The following WDFY4 variants were observed in gnomAD, a reference collection of about 807,000 sequenced individuals.
WDFY4 encodes WDFY family member 4.
In WDFY4, 169 loss-of-function variants were observed where a neutral mutation model predicts 351.9. That is an observed-to-expected ratio of 0.48 (90% CI 0.42 to 0.55). The LOEUF (loss-of-function observed/expected upper bound fraction) is 0.55, where lower values mean the gene tolerates loss of function less well. Ranked by LOEUF, WDFY4 falls within the 20% of genes least tolerant of loss-of-function variation. The pLI is 0.00. For missense variants in WDFY4, 3,803 were observed against 3,935.6 expected (o/e 0.97, Z 0.90); for synonymous variants, 1,622 against 1,574.6 (o/e 1.03, Z -0.71).
chr10:48,928,353 CGTGTGTGTGT>C (rs3081490), intron 47 of WDFY4, among the ~76,000 whole-genome samples: 81 of 125,042 alleles, frequency 6.5e-4, no homozygotes, highest in African/African-American at 2.0e-3. Flanking sequence ...TTGGTTTTGA[CGTGTGTGTGT>C]GTGTGTGTGT....
intron 43 of WDFY4, among the ~76,000 whole-genome samples, chr10:48,879,313 G>A (rs1460899446): frequency 6.6e-6 from 1 of 152,172 alleles, no homozygotes; most frequent in African/African-American, 2.4e-5. Context: ...GTGGGCAGAG[G>A]CCAGGGCTAC....
At chr10:48,811,471 G>C in intron 29 of WDFY4, 68 bp from the exon 30 acceptor site, 4 of 1,448,034 alleles carry the variant, frequency 2.8e-6, no homozygotes, top group Non-Finnish European at 3.8e-6. Context: ...TCCTTTGTGT[G>C]TCCAGGCCCC....
At chr10:48,839,818 A>G (rs556518659) in intron 39 of WDFY4, among the ~76,000 whole-genome samples, 3 of 152,280 alleles carry the variant, frequency 2.0e-5, no homozygotes, top group Non-Finnish European at 4.4e-5. Flanking sequence ...AAAGGAAAGT[A>G]TAATTTAAAA....
chr10:48,914,180 A>G, intron 47 of WDFY4: 1 of 1,601,308 alleles, frequency 6.2e-7, no homozygotes, highest in South Asian at 1.1e-5. Context: ...GGAGTGTTAG[A>G]AGTTTATTGT....
intron 10 of WDFY4, 56 bp from the exon 11 acceptor site, chr10:48,735,824 C>A: frequency 7.0e-7 from 1 of 1,435,298 alleles, no homozygotes. Flanking sequence ...TTGATTGAAA[C>A]TGAAGTGGCA....
intron 39 of WDFY4, among the ~76,000 whole-genome samples, chr10:48,833,591 G>A (rs558708063): frequency 4.4e-4 from 67 of 152,296 alleles, no homozygotes; most frequent in Non-Finnish European, 6.0e-4. Flanking sequence ...GGGGAGTGAC[G>A]AGGTTCTGCA....
intron 12 of WDFY4, among the ~76,000 whole-genome samples, chr10:48,748,469 G>A (rs1211417751): frequency 2.0e-5 from 3 of 152,068 alleles, no homozygotes; most frequent in Non-Finnish European, 4.4e-5. Context: ...GCACACACGT[G>A]TGTGTGTTCT....
rs151131973 is a variant in WDFY4 at position 48,810,706 on chromosome 10, G to A, written c.5015G>A (p.Arg1672His). ...CTGTGTGCAGGATCCTGGGTGGAAC[G>A]CAGCACTGAGGGCGTGGATATTGTA... ...DGLCAGSWVE[R>H]STEGVDIVMD... The change falls in exon 29 of 62, where the codon CGC (arginine) becomes CAC (histidine). Residue 1672 changes from arginine (R) to histidine (H), a missense_variant. Around this residue, in one of 3 missense-constraint regions of WDFY4, gnomAD observed 3,054 missense variants for 3,148.6 expected, o/e 0.97. Transcript: ENST00000325239. 2.3e-4 allele frequency: 361 copies of A among 1,547,268 alleles called. 2 individuals carry two copies. In the African/African-American group the frequency reaches 4.2e-3, roughly 18 times the overall value.
chr10:48,732,085 C>A (rs7099117), intron 9 of WDFY4, among the ~76,000 whole-genome samples: 67,085 of 151,832 alleles, frequency 0.44, 15,106 homozygotes, highest in Middle Eastern at 0.55. Context: ...CATTCCCTTG[C>A]CCCTACTTGG....
intron 12 of WDFY4, among the ~76,000 whole-genome samples, chr10:48,759,846 G>A (rs1016374576): frequency 6.6e-6 from 1 of 152,158 alleles, no homozygotes; most frequent in African/African-American, 2.4e-5. Context: ...TTCCTTCTCG[G>A]CTACCATTTA....
intron 47 of WDFY4, among the ~76,000 whole-genome samples, chr10:48,906,477 C>T (rs1388893182): frequency 6.6e-6 from 1 of 152,196 alleles, no homozygotes; most frequent in Non-Finnish European, 1.5e-5. Flanking sequence ...CTTTTGAAGA[C>T]AGCATGGTAG....
At chr10:48,813,693 A>G (rs920994666) in intron 30 of WDFY4, among the ~76,000 whole-genome samples, 17 of 152,350 alleles carry the variant, frequency 1.1e-4, no homozygotes, top group South Asian at 2.1e-4. Context: ...GTTGATTAGC[A>G]TATTTACTTA....
chr10:48,963,402 G>A (rs1286817229), intron 53 of WDFY4, among the ~76,000 whole-genome samples: 2 of 152,204 alleles, frequency 1.3e-5, no homozygotes, highest in East Asian at 1.9e-4. Context: ...CACTGTGCTC[G>A]AGAGCACGGT....
intron 51 of WDFY4, among the ~76,000 whole-genome samples, chr10:48,947,404 G>C (rs970792186): frequency 6.6e-6 from 1 of 152,154 alleles, no homozygotes; most frequent in Non-Finnish European, 1.5e-5. Context: ...AAACTGAAAG[G>C]CTTCGAAGGA....
Position 48,897,594 on chromosome 10 carries a change from G to A in WDFY4, c.7437+20G>A. 3 of 1,540,814 alleles carry A rather than the reference G, an allele frequency of 1.9e-6. No homozygotes were observed. Among genetic ancestry groups the A allele is most frequent in the Non-Finnish European group, 2.6e-6 (3 of 1,145,786 alleles). ...CTGCAGGTAAGCACACTGGGTGCTG[G>A]CACGCCTGGGGCCTGCGAGAGGCAG... On this transcript the variant is annotated intron_variant, in intron 45 of 61. Coordinates refer to ENST00000325239, the MANE Select transcript of WDFY4 (RefSeq NM_001394531.1).
At chr10:48,923,867 T>G (rs1052638775) in intron 47 of WDFY4, among the ~76,000 whole-genome samples, 8 of 152,158 alleles carry the variant, frequency 5.3e-5, no homozygotes, top group Non-Finnish European at 1.2e-4. Context: ...GAGCATGGCT[T>G]AGAGAGAATC....
intron 49 of WDFY4, among the ~76,000 whole-genome samples, chr10:48,945,678 A>C (rs991826261): frequency 1.3e-5 from 2 of 152,218 alleles, no homozygotes; most frequent in Non-Finnish European, 2.9e-5. Flanking sequence ...GATTCTAAGC[A>C]AGGACCCTGA....
At chr10:48,925,184 T>G (rs1227689979) in intron 47 of WDFY4, among the ~76,000 whole-genome samples, 1 of 152,220 alleles carries the variant, frequency 6.6e-6, no homozygotes, top group Non-Finnish European at 1.5e-5. Context: ...GACCCTCATA[T>G]TTACTGGGTG....
intron 1 of WDFY4, 108 bp from the exon 2 acceptor site, chr10:48,709,608 C>A (rs560026117): frequency 5.3e-6 from 5 of 942,744 alleles, no homozygotes; most frequent in Non-Finnish European, 7.9e-6. Flanking sequence ...CTTAGGGGAA[C>A]CATTTTCAAT....
Sources: allele counts gnomAD v4.1 joint callset (sites outside exome capture counted in the v4.1 genomes callset), GRCh38; gene constraint gnomAD v4.1.1; regional missense constraint gnomAD v4.1.1; transcripts MANE v1.5; gene names NCBI Gene and HGNC (gene_info 2026-07-23, HGNC 2026-07-21).